The following TYR variants were observed in gnomAD, a reference collection of about 807,000 sequenced individuals.
TYR encodes LB24-AB.
A neutral mutation model predicts 51.5 loss-of-function variants in TYR; 58 were observed. The ratio of observed to expected loss-of-function variants is 1.13; its 90% CI spans 0.91 to 1.40. The LOEUF is 1.40. Among genes scored for constraint, TYR ranks in the 40% most tolerant of loss-of-function variants. The pLI, the probability that TYR is intolerant of heterozygous loss-of-function variation, is 0.00. For missense variants in TYR, 732 were observed against 647.4 expected (o/e 1.13, Z -1.42); for synonymous variants, 263 against 235.2 (o/e 1.12, Z -1.08).
At chr11:89,199,330 T>C (rs1375563774) in intron 2 of TYR, among the ~76,000 whole-genome samples, 1 of 152,168 alleles carries the variant, frequency 6.6e-6, no homozygotes, top group Non-Finnish European at 1.5e-5. Flanking sequence ...AGGAATCTAG[T>C]TGTACTGGCA....
At chr11:89,180,950 A>G (rs1943292845) in intron 1 of TYR, among the ~76,000 whole-genome samples, 1 of 152,170 alleles carries the variant, frequency 6.6e-6, no homozygotes, top group Admixed American at 6.5e-5. Context: ...CCAAAAAACC[A>G]TTTAAAAAGT....
chr11:89,241,884 C>T (rs557508883), intron 3 of TYR, among the ~76,000 whole-genome samples: 6 of 148,918 alleles, frequency 4.0e-5, no homozygotes, highest in South Asian at 4.2e-4. Context: ...AATTATGTAA[C>T]GTATTGCAGT....
intron 4 of TYR, among the ~76,000 whole-genome samples, chr11:89,292,868 A>G (rs1057345771): frequency 1.3e-5 from 2 of 152,186 alleles, no homozygotes; most frequent in Non-Finnish European, 2.9e-5. Context: ...TAGACATCCC[A>G]TGAATCATTA....
chr11:89,208,078 C>T (rs1182040237), intron 2 of TYR, among the ~76,000 whole-genome samples: 1 of 152,166 alleles, frequency 6.6e-6, no homozygotes, highest in East Asian at 1.9e-4. Context: ...ACCATCCTGG[C>T]TAACACAGTG....
At chr11:89,193,112 G>A (rs1943468308) in intron 2 of TYR, among the ~76,000 whole-genome samples, 1 of 152,158 alleles carries the variant, frequency 6.6e-6, no homozygotes, top group African/African-American at 2.4e-5. Context: ...CACCATCTGG[G>A]AGGATTGGGT....
At chr11:89,215,005 G>A (rs1943813629) in intron 2 of TYR, among the ~76,000 whole-genome samples, 1 of 151,904 alleles carries the variant, frequency 6.6e-6, no homozygotes, top group Non-Finnish European at 1.5e-5. Context: ...TTTTTAGTAC[G>A]ATATTGTAAA....
chr11:89,287,978 C>T (rs569104410), intron 4 of TYR, among the ~76,000 whole-genome samples: 28 of 151,962 alleles, frequency 1.8e-4, no homozygotes, highest in African/African-American at 5.8e-4. Context: ...AATGGCTTTA[C>T]GCTTTCTGGC....
intron 3 of TYR, among the ~76,000 whole-genome samples, chr11:89,258,429 T>C (rs1944420502): frequency 6.6e-6 from 1 of 150,884 alleles, no homozygotes; most frequent in Non-Finnish European, 1.5e-5. Flanking sequence ...TGGCAACATC[T>C]GGCCAAATGA....
chr11:89,226,764 T>C, intron 2 of TYR, among the ~76,000 whole-genome samples: 1 of 152,152 alleles, frequency 6.6e-6, no homozygotes, highest in East Asian at 1.9e-4. Context: ...GTTGTAACTC[T>C]GGTTTACATT....
At chr11:89,202,474 C>T (rs1943609361) in intron 2 of TYR, among the ~76,000 whole-genome samples, 1 of 151,956 alleles carries the variant, frequency 6.6e-6, no homozygotes, top group African/African-American at 2.4e-5. Context: ...ATCTAATTGG[C>T]TATTACAAAT....
chr11:89,222,759 T>C (rs1943928878), intron 2 of TYR, among the ~76,000 whole-genome samples: 1 of 152,136 alleles, frequency 6.6e-6, no homozygotes, highest in Admixed American at 6.6e-5. Flanking sequence ...AATTCTATTG[T>C]TGCCATTGAC....
chr11:89,226,842 G>A (rs1319113047), intron 2 of TYR, among the ~76,000 whole-genome samples: 1 of 151,850 alleles, frequency 6.6e-6, no homozygotes, highest in East Asian at 1.9e-4. Context: ...TATGCCCTTC[G>A]TCGTGTTCCC....
chr11:89,259,973 C>A (rs1394903094), intron 3 of TYR, among the ~76,000 whole-genome samples: 1 of 152,028 alleles, frequency 6.6e-6, no homozygotes, highest in African/African-American at 2.4e-5. Context: ...CCTGGCCCTG[C>A]CATTTACTAT....
chr11:89,250,566 C>T (rs1425615361), intron 3 of TYR, among the ~76,000 whole-genome samples: 4 of 151,858 alleles, frequency 2.6e-5, no homozygotes, highest in South Asian at 2.1e-4. Flanking sequence ...TTTATTTTCT[C>T]ACAATTCTGG....
At chr11:89,264,003 G>T (rs1318471863) in intron 3 of TYR, among the ~76,000 whole-genome samples, 6 of 152,024 alleles carry the variant, frequency 3.9e-5, no homozygotes, top group African/African-American at 1.4e-4. Context: ...GAGCCTCACT[G>T]CTCTTAATGT....
At chr11:89,272,695 T>A (rs190049189) in intron 3 of TYR, among the ~76,000 whole-genome samples, 5 of 152,056 alleles carry the variant, frequency 3.3e-5, no homozygotes, top group Middle Eastern at 3.4e-3. Context: ...CATCTTCCAA[T>A]AGAAGGCAAT....
chr11:89,203,842 TA>T (rs1943632877), intron 2 of TYR, among the ~76,000 whole-genome samples: 2 of 152,186 alleles, frequency 1.3e-5, no homozygotes, highest in South Asian at 4.1e-4. Context: ...AGAAAAGTTT[TA>T]AACAGTAACT....
At chr11:89,212,185 A>G (rs1352935301) in intron 2 of TYR, among the ~76,000 whole-genome samples, 3 of 152,186 alleles carry the variant, frequency 2.0e-5, no homozygotes, top group Non-Finnish European at 2.9e-5. Context: ...AACAAAATAG[A>G]TAGAACATTA....
At chr11:89,288,627 AAGTTTG>A (rs1334926618) in intron 4 of TYR, among the ~76,000 whole-genome samples, 1 of 152,114 alleles carries the variant, frequency 6.6e-6, no homozygotes, top group African/African-American at 2.4e-5. Context: ...AATTTTAGAG[AAGTTTG>A]ACTTTAAAAT....
Sources: allele counts gnomAD v4.1 joint callset (sites outside exome capture counted in the v4.1 genomes callset), GRCh38; gene constraint gnomAD v4.1.1; transcripts MANE v1.5; gene names NCBI Gene and HGNC (gene_info 2026-07-23, HGNC 2026-07-21).